The following CDKAL1 variants were observed in gnomAD, a reference collection of about 807,000 sequenced individuals.
CDKAL1 encodes the protein threonylcarbamoyladenosine tRNA methylthiotransferase.
A neutral mutation model predicts 68.2 loss-of-function variants in CDKAL1; 32 were observed. The ratio of observed to expected loss-of-function variants is 0.47; its 90% CI spans 0.35 to 0.63. The LOEUF (loss-of-function observed/expected upper bound fraction) is 0.63. Among genes scored for constraint, CDKAL1 ranks in the 30% least tolerant of loss-of-function variants. The pLI, the probability that CDKAL1 is intolerant of heterozygous loss-of-function variation, is 0.00. For missense variants in CDKAL1, 606 were observed against 696.7 expected (o/e 0.87, Z 1.47); for synonymous variants, 234 against 244.3 (o/e 0.96, Z 0.39).
intron 4 of CDKAL1, among the ~76,000 whole-genome samples, chr6:20,565,823 T>C (rs931334618): frequency 6.6e-6 from 1 of 152,134 alleles, no homozygotes; most frequent in Non-Finnish European, 1.5e-5. Flanking sequence ...ACTGTAGAGA[T>C]GAAAAAACAG....
chr6:20,837,744 T>TATAATAATAATA (rs56163103), intron 8 of CDKAL1, among the ~76,000 whole-genome samples: 17,078 of 147,960 alleles, frequency 0.12, 1,214 homozygotes, highest in Middle Eastern at 0.23. Flanking sequence ...CACTTCAGCA[T>TATAATAATAATA]ATAATAATAA....
At chr6:21,148,294 G>T (rs1446207310) in intron 13 of CDKAL1, among the ~76,000 whole-genome samples, 4 of 152,138 alleles carry the variant, frequency 2.6e-5, no homozygotes, top group Non-Finnish European at 5.9e-5. Context: ...GAAAATCCTG[G>T]ACTGACTTAG....
intron 11 of CDKAL1, among the ~76,000 whole-genome samples, chr6:21,054,915 T>A (rs1378687445): frequency 2.0e-5 from 3 of 151,872 alleles, no homozygotes; most frequent in South Asian, 2.1e-4. Flanking sequence ...AAAAAAAAAA[T>A]TCTGTCTTTT....
intron 5 of CDKAL1, among the ~76,000 whole-genome samples, chr6:20,659,601 G>A (rs1480501445): frequency 6.6e-6 from 1 of 152,106 alleles, no homozygotes; most frequent in Non-Finnish European, 1.5e-5. Flanking sequence ...TCCACTGTTT[G>A]GATATTGTCT....
At chr6:20,940,442 T>G (rs1763915221) in intron 9 of CDKAL1, among the ~76,000 whole-genome samples, 1 of 152,222 alleles carries the variant, frequency 6.6e-6, no homozygotes, top group Non-Finnish European at 1.5e-5. Context: ...ATGTATAATT[T>G]AAAATGTTCT....
chr6:20,544,595 CAAAAAAAAAA>C (rs747920604), intron 2 of CDKAL1, among the ~76,000 whole-genome samples: 1 of 56,720 alleles, frequency 1.8e-5, no homozygotes, highest in Non-Finnish European at 3.3e-5. Flanking sequence ...AACTCCGTCT[CAAAAAAAAAA>C]AAAAAAAAAA....
chr6:20,768,976 A>G (rs1012128668), intron 7 of CDKAL1, among the ~76,000 whole-genome samples: 1 of 152,028 alleles, frequency 6.6e-6, no homozygotes, highest in African/African-American at 2.4e-5. Context: ...ACTCACCTGG[A>G]TTCATTGCCA....
At chr6:20,948,316 C>A (rs948144684) in intron 9 of CDKAL1, among the ~76,000 whole-genome samples, 1 of 152,058 alleles carries the variant, frequency 6.6e-6, no homozygotes, top group Non-Finnish European at 1.5e-5. Context: ...CTATGCCTGG[C>A]CCAAAGGGAA....
rs146662225 is a variant in CDKAL1, at chr6:20,546,377, A to G, written c.27A>G (p.Leu9=). Residue 9 remains leucine, a synonymous_variant, in exon 3 of 16, where the codon CTA becomes CTG. Coordinates refer to ENST00000274695, the MANE Select transcript of CDKAL1 (RefSeq NM_017774.3). Reference sequence around the variant, plus strand: ...TGCCTTCTGCATCCTGTGATACACTACTGGATGACATCGAAGATATCGTGT... The same window carrying G: ...TGCCTTCTGCATCCTGTGATACACTGCTGGATGACATCGAAGATATCGTGT... MPSASCDT[L]LDDIEDIVSQ... is the part of the protein sequence containing the mutation. The G allele has an allele frequency of 1.2e-6, 2 of 1,613,822 alleles. No homozygotes were observed. The highest frequency in any genetic ancestry group is 1.3e-5 in the African/African-American group (1 of 74,928).
intron 9 of CDKAL1, among the ~76,000 whole-genome samples, chr6:20,860,024 C>T (rs750529488): frequency 3.3e-5 from 5 of 152,102 alleles, no homozygotes; most frequent in African/African-American, 4.8e-5. Flanking sequence ...CATTTTTTCT[C>T]TTATTCTCTA....
At chr6:21,017,494 G>A (rs1768410291) in intron 11 of CDKAL1, among the ~76,000 whole-genome samples, 1 of 152,184 alleles carries the variant, frequency 6.6e-6, no homozygotes, top group South Asian at 2.1e-4. Flanking sequence ...AATTGTAGCA[G>A]TATTTGGGGA....
chr6:20,820,200 C>T (rs375080379), intron 8 of CDKAL1, among the ~76,000 whole-genome samples: 6 of 152,104 alleles, frequency 3.9e-5, no homozygotes, highest in Admixed American at 2.0e-4. Flanking sequence ...AAGTTGCTAG[C>T]GGAAGAGGGT....
At chr6:20,874,989 A>G (rs1760426023) in intron 9 of CDKAL1, among the ~76,000 whole-genome samples, 1 of 152,094 alleles carries the variant, frequency 6.6e-6, no homozygotes. Flanking sequence ...GAGGAGGGTT[A>G]AAGAGTTTCA....
chr6:20,976,297 T>G (rs1324489800), intron 10 of CDKAL1, among the ~76,000 whole-genome samples: 1 of 152,166 alleles, frequency 6.6e-6, no homozygotes, highest in Non-Finnish European at 1.5e-5. Flanking sequence ...TGATTAAATA[T>G]TATTAAAATG....
chr6:20,730,807 G>T (rs1772885017), intron 5 of CDKAL1, among the ~76,000 whole-genome samples: 1 of 145,196 alleles, frequency 6.9e-6, no homozygotes, highest in South Asian at 2.2e-4. Context: ...TCACACCACT[G>T]CACTCCAGCT....
intron 8 of CDKAL1, among the ~76,000 whole-genome samples, chr6:20,805,449 A>G (rs1776532923): frequency 6.6e-6 from 1 of 152,202 alleles, no homozygotes; most frequent in Non-Finnish European, 1.5e-5. Context: ...ATTTTTTATT[A>G]GCAGGGCATA....
intron 12 of CDKAL1, among the ~76,000 whole-genome samples, chr6:21,081,575 T>TC (rs1410492651): frequency 1.3e-5 from 2 of 148,996 alleles, no homozygotes; most frequent in Non-Finnish European, 3.0e-5. Flanking sequence ...GATATATCTT[T>TC]TTTTTTTTTT....
intron 15 of CDKAL1, among the ~76,000 whole-genome samples, chr6:21,207,291 G>T (rs1778978289): frequency 6.6e-6 from 1 of 151,964 alleles, no homozygotes; most frequent in Admixed American, 6.6e-5. Context: ...ACTTCAGGAG[G>T]CCAAGGCAGG....
intron 9 of CDKAL1, among the ~76,000 whole-genome samples, chr6:20,894,159 G>C (rs1433122590): frequency 6.6e-6 from 1 of 152,118 alleles, no homozygotes; most frequent in Non-Finnish European, 1.5e-5. Flanking sequence ...TTTGGTGACA[G>C]CCTGATGCAT....
Sources: allele counts gnomAD v4.1 joint callset (sites outside exome capture counted in the v4.1 genomes callset), GRCh38; gene constraint gnomAD v4.1.1; transcripts MANE v1.5; gene names NCBI Gene and HGNC (gene_info 2026-07-23, HGNC 2026-07-21).